ADGRB3: variants seen among roughly 807,000 people sequenced by gnomAD.
ADGRB3 encodes the protein brain-specific angiogenesis inhibitor 3.
A neutral mutation model predicts 193.4 loss-of-function variants in ADGRB3; 37 were observed. The observed-to-expected ratio is 0.19, with a 90% confidence interval of 0.15 to 0.25. ADGRB3 has a LOEUF of 0.25. Among genes scored for constraint, ADGRB3 ranks in the 10% least tolerant of loss-of-function variants. The pLI is 1.00. For synonymous variants in ADGRB3, 690 were observed against 644.2 expected (o/e 1.07, Z -1.08); for missense variants, 1,637 against 1,852.9 (o/e 0.88, Z 2.14).
chr6:69,039,515 A>G (rs903812145), intron 13 of ADGRB3, among the ~76,000 whole-genome samples: 5 of 152,096 alleles, frequency 3.3e-5, no homozygotes, highest in Non-Finnish European at 7.4e-5. Flanking sequence ...CATAGTCTCC[A>G]TTGCAATTAC....
chr6:68,912,339 CT>C lies in ADGRB3; in HGVS notation c.758-18213del, dbSNP rs554634991. Among the ~76,000 whole-genome samples the C allele has an allele frequency of 2.4e-3, 358 of 151,026 alleles. 4 individuals carry two copies. In the South Asian group the frequency reaches 0.026, roughly 11 times the overall value. The stretch of plus-strand genomic sequence containing the variant: ...TTCATTAATAATGTATATTCATCTT[CT>C]TTTTTTATTATTTTATTTTATTTTA... On this transcript the variant is annotated intron_variant, in intron 3 of 31. Transcript: ENST00000370598.
chr6:69,347,223 G>A (rs1260767539), intron 26 of ADGRB3, among the ~76,000 whole-genome samples: 1 of 152,074 alleles, frequency 6.6e-6, no homozygotes, highest in Non-Finnish European at 1.5e-5. Flanking sequence ...GGGGGCCTAG[G>A]GGAGGGATAG....
intron 20 of ADGRB3, among the ~76,000 whole-genome samples, chr6:69,324,225 G>A (rs1210472953): frequency 6.6e-6 from 1 of 152,064 alleles, no homozygotes; most frequent in African/African-American, 2.4e-5. Flanking sequence ...GACATGATTA[G>A]CTTTTCAAAA....
At chr6:69,147,112 TTTGTG>T (rs1207618126) in intron 17 of ADGRB3, among the ~76,000 whole-genome samples, 31 of 152,192 alleles carry the variant, frequency 2.0e-4, no homozygotes. Context: ...GCATTTATCT[TTTGTG>T]TTGTTTTCTT....
intron 17 of ADGRB3, among the ~76,000 whole-genome samples, chr6:69,093,082 G>A (rs1362433962): frequency 2.6e-5 from 4 of 151,478 alleles, no homozygotes; most frequent in Non-Finnish European, 5.9e-5. Context: ...GACTGAGGAG[G>A]ATAGCCTTGG....
At chr6:68,888,834 G>T (rs1203336145) in intron 3 of ADGRB3, among the ~76,000 whole-genome samples, 1 of 152,148 alleles carries the variant, frequency 6.6e-6, no homozygotes, top group African/African-American at 2.4e-5. Flanking sequence ...GACAAATGGG[G>T]TGGTCCTGAG....
intron 3 of ADGRB3, among the ~76,000 whole-genome samples, chr6:68,739,610 A>AT (rs1490214088): frequency 3.3e-5 from 5 of 152,128 alleles, no homozygotes; most frequent in South Asian, 2.1e-4. Context: ...ATTTGTTTAC[A>AT]TTTTTTGAGA....
At chr6:69,247,398 G>C (rs1044230104) in intron 20 of ADGRB3, among the ~76,000 whole-genome samples, 1 of 152,150 alleles carries the variant, frequency 6.6e-6, no homozygotes, top group African/African-American at 2.4e-5. Context: ...TTGGCAACAA[G>C]AGCTAGATTT....
At chr6:69,049,188 A>G in intron 14 of ADGRB3, 83 bp from the exon 15 acceptor site, 1 of 1,000,310 alleles carries the variant, frequency 1.0e-6, no homozygotes, top group African/African-American at 1.7e-5. Flanking sequence ...TACTGGAATT[A>G]TCTTGTAATT....
chr6:69,108,701 G>T (rs9363983), intron 17 of ADGRB3, among the ~76,000 whole-genome samples: 32,239 of 152,028 alleles, frequency 0.21, 5,088 homozygotes, highest in East Asian at 0.8. Flanking sequence ...AAATCAGGTT[G>T]AGGCTTGGAT....
At chr6:69,123,537 G>T (rs555476666) in intron 17 of ADGRB3, among the ~76,000 whole-genome samples, 2 of 152,248 alleles carry the variant, frequency 1.3e-5, no homozygotes, top group African/African-American at 4.8e-5. Flanking sequence ...AGTGGATGGA[G>T]ATAGATAATA....
At chr6:68,763,783 C>T (rs532204077) in intron 3 of ADGRB3, among the ~76,000 whole-genome samples, 158 of 151,890 alleles carry the variant, frequency 1.0e-3, no homozygotes, top group African/African-American at 3.6e-3. Flanking sequence ...GACATGAGGC[C>T]GGTGCGGTGG....
chr6:69,372,681 A>T (rs1769731394), intron 30 of ADGRB3, among the ~76,000 whole-genome samples: 1 of 152,082 alleles, frequency 6.6e-6, no homozygotes, highest in Admixed American at 6.6e-5. Flanking sequence ...TGTTTTATAC[A>T]TACTACGATA....
chr6:69,320,219 C>G (rs1031729753), intron 20 of ADGRB3, among the ~76,000 whole-genome samples: 1 of 151,404 alleles, frequency 6.6e-6, no homozygotes, highest in African/African-American at 2.4e-5. Context: ...TCTAATCTCT[C>G]CCATCTTTGA....
intron 20 of ADGRB3, among the ~76,000 whole-genome samples, chr6:69,249,632 TTC>T (rs1370286145): frequency 2.6e-5 from 4 of 152,080 alleles, no homozygotes; most frequent in African/African-American, 9.7e-5. Flanking sequence ...ATAGACAGAG[TTC>T]TCTTTTTACC....
intron 3 of ADGRB3, among the ~76,000 whole-genome samples, chr6:68,916,788 G>A (rs967287851): frequency 2.0e-5 from 3 of 152,150 alleles, no homozygotes; most frequent in African/African-American, 7.2e-5. Context: ...CGAAAAGGAG[G>A]CCAGTATGGT....
chr6:68,932,594 T>G (rs1259069414), intron 4 of ADGRB3, among the ~76,000 whole-genome samples: 1 of 152,012 alleles, frequency 6.6e-6, no homozygotes, highest in Admixed American at 6.6e-5. Context: ...TTAAATATTT[T>G]CCTAGATTAT....
intron 13 of ADGRB3, among the ~76,000 whole-genome samples, chr6:69,028,779 T>C (rs1770518036): frequency 2.0e-5 from 3 of 152,200 alleles, no homozygotes; most frequent in Admixed American, 6.5e-5. Flanking sequence ...ATTTCTAGCC[T>C]TAAACTTCTG....
chr6:68,997,948 G>A (rs1013414934), intron 11 of ADGRB3, among the ~76,000 whole-genome samples: 2 of 152,018 alleles, frequency 1.3e-5, no homozygotes, highest in African/African-American at 4.8e-5. Flanking sequence ...AATTCAGAAT[G>A]TGAGAGATTT....
Sources: allele counts gnomAD v4.1 joint callset (sites outside exome capture counted in the v4.1 genomes callset), GRCh38; gene constraint gnomAD v4.1.1; transcripts MANE v1.5; gene names NCBI Gene and HGNC (gene_info 2026-07-23, HGNC 2026-07-21).